Variants in TRAF3 observed in about 807,000 individuals in gnomAD.
The protein encoded by TRAF3 is TNF receptor-associated factor 3.
In TRAF3, 13 loss-of-function variants were observed where a neutral mutation model predicts 62.3. The observed-to-expected ratio is 0.21, with a 90% CI of 0.14 to 0.33. The LOEUF is 0.33. Among genes scored for constraint, TRAF3 ranks in the 10% least tolerant of loss-of-function variants. The probability of loss-of-function intolerance (pLI) is 1.00; values close to 1 mark genes in which losing one functional copy is unlikely to be tolerated. For missense variants in TRAF3, 440 were observed against 741.8 expected (o/e 0.59, Z 4.73); for synonymous variants, 269 against 283.4 (o/e 0.95, Z 0.51).
intron 1 of TRAF3, among the ~76,000 whole-genome samples, chr14:102,785,253 G>A (rs923979993): frequency 1.3e-4 from 20 of 152,202 alleles, no homozygotes; most frequent in African/African-American, 4.6e-4. Flanking sequence ...ACTCTAGGCC[G>A]CACTCCGTTC....
intron 2 of TRAF3, among the ~76,000 whole-genome samples, chr14:102,846,139 T>C (rs1406362976): frequency 6.6e-6 from 1 of 152,130 alleles, no homozygotes; most frequent in Admixed American, 6.5e-5. Flanking sequence ...TGGGAAATAG[T>C]TTGGCTTTAG....
intron 1 of TRAF3, among the ~76,000 whole-genome samples, chr14:102,788,571 G>T (rs968743336): frequency 1.3e-5 from 2 of 152,174 alleles, no homozygotes; most frequent in African/African-American, 4.8e-5. Context: ...AGGCTGAGGC[G>T]GGCGGATCAT....
chr14:102,903,211 G>A lies in TRAF3; in HGVS notation c.961-44G>A, dbSNP rs757533852. 12 of 1,613,574 alleles carry A rather than the reference G, an allele frequency of 7.4e-6. No homozygotes were observed. The highest frequency in any genetic ancestry group is 5.5e-5 in the South Asian group (5 of 91,004). On this transcript the variant is annotated intron_variant, in intron 10 of 11. Coordinates refer to ENST00000392745, the MANE Select transcript of TRAF3 (RefSeq NM_145725.3). This position sits in a 1 kb window ranked among gnomAD's most constrained non-coding sequence, Gnocchi z 6.4. ...GATGGAAGGTGGTGCAGCATTTTCC[G>A]AGTCCTAACTGTGTTTTGCTTTTTA...
At chr14:102,848,864 C>T (rs993902228) in intron 2 of TRAF3, among the ~76,000 whole-genome samples, 1 of 152,230 alleles carries the variant, frequency 6.6e-6, no homozygotes, top group Non-Finnish European at 1.5e-5. Flanking sequence ...CTTTCTGGCT[C>T]AGCCTTTCAG....
chr14:102,881,492 A>G (rs1889063423), intron 6 of TRAF3, among the ~76,000 whole-genome samples: 1 of 152,210 alleles, frequency 6.6e-6, no homozygotes. Context: ...TAACACAGGA[A>G]CAGAAAAACA....
intron 6 of TRAF3, among the ~76,000 whole-genome samples, chr14:102,881,204 T>C (rs1215543085): frequency 6.6e-6 from 1 of 151,538 alleles, no homozygotes; most frequent in African/African-American, 2.4e-5. Flanking sequence ...GCCAACATGG[T>C]AAAACCCCAT....
Position 102,826,837 on chromosome 14 carries a change from T to C in TRAF3, c.-156-3497T>C, listed in dbSNP as rs1406159211. On this transcript the variant is annotated intron_variant, in intron 1 of 11. Coordinates refer to ENST00000392745, the MANE Select transcript of TRAF3 (RefSeq NM_145725.3). The surrounding 1 kb of genome is among the most constrained non-coding windows in gnomAD (Gnocchi z 4.6). ...GCTGCCAAAGGACAGCTGTTACTTA[T>C]GGGTGGCGGCGTGGTGAGGTCGCAC... is the stretch of plus-strand genomic sequence containing the variant. 6.6e-6 allele frequency among the ~76,000 whole-genome samples: 1 copy of C among 152,162 alleles called. No homozygotes were observed. Among genetic ancestry groups the C allele is most frequent in the Admixed American group, 6.5e-5 (1 of 15,286 alleles).
rs747453616 is a variant in TRAF3 at position 102,905,831 on chromosome 14, G to C, written c.*47G>C. On this transcript the variant is annotated 3_prime_UTR_variant, in exon 12 of 12. Coordinates refer to ENST00000392745, the MANE Select transcript of TRAF3 (RefSeq NM_145725.3). ...TTAGCAGAAGGCAACTCCTCTGGGG[G>C]ATTTGAACCGGTCTGTCTTCACTGA... The C allele has an allele frequency of 7.8e-6, 12 of 1,538,510 alleles. No homozygotes were observed. Among genetic ancestry groups the C allele is most frequent in the Non-Finnish European group, 1.1e-5 (12 of 1,117,720 alleles).
At chr14:102,802,204 G>C (rs1316301407) in intron 1 of TRAF3, among the ~76,000 whole-genome samples, 2 of 128,716 alleles carry the variant, frequency 1.6e-5, no homozygotes, top group Admixed American at 1.6e-4. Context: ...GCCCAGGCTG[G>C]AGTGCAGTGG....
intron 8 of TRAF3, among the ~76,000 whole-genome samples, chr14:102,889,910 T>G (rs750284603): frequency 2.6e-5 from 4 of 152,220 alleles, no homozygotes; most frequent in Non-Finnish European, 5.9e-5. Context: ...ATGCAACAGG[T>G]AGACTTGACA....
At chr14:102,878,015 A>G (rs552605921) in intron 6 of TRAF3, among the ~76,000 whole-genome samples, 1 of 152,360 alleles carries the variant, frequency 6.6e-6, no homozygotes, top group South Asian at 2.1e-4. Context: ...ATCTGACTTT[A>G]TTTCAGAATT....
In TRAF3 at chr14:102,866,869, AC is replaced by A. The variant is rs1335730158; in HGVS notation, c.-17-3315del. On this transcript the variant is annotated intron_variant, in intron 2 of 11. Transcript: ENST00000392745. ...CTTGAAAACACACACACACACACAC[AC>A]ACACACACACACACACACACACAAA... Among the ~76,000 whole-genome samples, 97 of 147,252 alleles carry A rather than the reference AC, an allele frequency of 6.6e-4. 1 individual carries two copies. The highest frequency in any genetic ancestry group is 2.1e-4 in the Non-Finnish European group (14 of 67,166).
intron 6 of TRAF3, among the ~76,000 whole-genome samples, chr14:102,882,571 T>G (rs1156924250): frequency 3.3e-5 from 5 of 150,930 alleles, no homozygotes; most frequent in Non-Finnish European, 7.4e-5. Context: ...TATTTTGTTT[T>G]TTTTTTTTTT....
intron 9 of TRAF3, among the ~76,000 whole-genome samples, chr14:102,895,683 C>T (rs1251699204): frequency 6.6e-6 from 1 of 152,222 alleles, no homozygotes. Context: ...TTGTAAAAAT[C>T]TTGTGAGAAA....
At chr14:102,887,830 C>T (rs954729046) in intron 7 of TRAF3, among the ~76,000 whole-genome samples, 23 of 152,118 alleles carry the variant, frequency 1.5e-4, no homozygotes, top group Non-Finnish European at 2.5e-4. Context: ...CTCCTGACCT[C>T]GTGATTTGCC....
chr14:102,805,138 T>G (rs928351004), intron 1 of TRAF3, among the ~76,000 whole-genome samples: 1 of 152,212 alleles, frequency 6.6e-6, no homozygotes. Flanking sequence ...GTTTAGATAA[T>G]TTAGATAATT....
chr14:102,801,619 C>T (rs1036847081), intron 1 of TRAF3, among the ~76,000 whole-genome samples: 16 of 152,002 alleles, frequency 1.1e-4, no homozygotes, highest in African/African-American at 2.7e-4. Flanking sequence ...ACTGCAGCCT[C>T]GATTTCCTGG....
At chr14:102,836,537 C>T (rs1218751370) in intron 2 of TRAF3, among the ~76,000 whole-genome samples, 2 of 152,026 alleles carry the variant, frequency 1.3e-5, no homozygotes, top group African/African-American at 2.4e-5. Context: ...TTTGAAAGGC[C>T]GCTTAGATGA....
chr14:102,804,294 C>T (rs1898638005), intron 1 of TRAF3, among the ~76,000 whole-genome samples: 2 of 152,110 alleles, frequency 1.3e-5, no homozygotes, highest in African/African-American at 2.4e-5. Flanking sequence ...TTCTCTGGAG[C>T]GTTCTTCAGA....
Sources: gnomAD v4.1 joint callset for allele counts (sites outside exome capture counted in the v4.1 genomes callset) on GRCh38, gnomAD v4.1.1 for gene constraint, Gnocchi (gnomAD v3.1) non-coding constraint, MANE v1.5 for transcripts, NCBI Gene and HGNC (gene_info 2026-07-23, HGNC 2026-07-21) for gene names.